Variants in NR1I2 observed in about 807,000 individuals in gnomAD.
NR1I2 encodes orphan nuclear receptor PAR1.
In NR1I2, 42 loss-of-function variants were observed where a neutral mutation model predicts 43.3. That is an observed-to-expected ratio of 0.97 (90% CI 0.76 to 1.26). The LOEUF (loss-of-function observed/expected upper bound fraction) is 1.26. Ranked by LOEUF, NR1I2 falls within the 50% of genes most tolerant of loss-of-function variation. The pLI is 0.00. For synonymous variants in NR1I2, 229 were observed against 215.0 expected, an observed-to-expected ratio of 1.06 and a Z score of -0.57; for missense variants, 559 against 566.7, an observed-to-expected ratio of 0.99 and a Z score of 0.14.
intron 4 of NR1I2, among the ~76,000 whole-genome samples, chr3:119,812,226 C>G (rs2055253870): frequency 6.6e-6 from 1 of 152,132 alleles, no homozygotes; most frequent in Non-Finnish European, 1.5e-5. Context: ...TGTCTGTGCT[C>G]TAAGTGCCCT....
chr3:119,797,203 T>TGTGTGTGTGTGC (rs1553717390), intron 1 of NR1I2, among the ~76,000 whole-genome samples: 8 of 151,700 alleles, frequency 5.3e-5, no homozygotes, highest in African/African-American at 1.9e-4. Flanking sequence ...TGTGTGTGTG[T>TGTGTGTGTGTGC]GTGTGTGTGT....
intron 1 of NR1I2, among the ~76,000 whole-genome samples, chr3:119,784,962 A>G (rs1307943872): frequency 1.3e-5 from 2 of 152,240 alleles, no homozygotes; most frequent in African/African-American, 2.4e-5. Flanking sequence ...AATAGTTATA[A>G]AAGCTTATCA....
At chr3:119,788,553 T>C (rs1330313322) in intron 1 of NR1I2, among the ~76,000 whole-genome samples, 1 of 152,224 alleles carries the variant, frequency 6.6e-6, no homozygotes, top group South Asian at 2.1e-4. Context: ...TCTTCCTGCC[T>C]CAGCCTCCCA....
At chr3:119,815,266 A>G in intron 6 of NR1I2, 57 bp from the exon 7 acceptor site, 1 of 1,573,516 alleles carries the variant, frequency 6.4e-7, no homozygotes, top group Non-Finnish European at 8.7e-7. Context: ...GTGAGGGATG[A>G]TTAGATCTTG....
chr3:119,783,555 AC>A (rs2107941007), intron 1 of NR1I2, among the ~76,000 whole-genome samples: 1 of 152,338 alleles, frequency 6.6e-6, no homozygotes, highest in African/African-American at 2.4e-5. Flanking sequence ...AAAGCTGTCA[AC>A]TTGTTCCAAA....
intron 3 of NR1I2, chr3:119,810,512 T>A: frequency 2.6e-6 from 1 of 381,398 alleles, no homozygotes; most frequent in Non-Finnish European, 4.8e-6. Flanking sequence ...GTTGTAATGG[T>A]TTGAAACCAC....
intron 1 of NR1I2, among the ~76,000 whole-genome samples, chr3:119,786,721 G>A (rs1204350633): frequency 6.6e-6 from 1 of 152,196 alleles, no homozygotes; most frequent in Admixed American, 6.5e-5. Flanking sequence ...CAAGTCCCAG[G>A]AAGCATAAAG....
chr3:119,805,272 A>G (rs2055141014), intron 1 of NR1I2, among the ~76,000 whole-genome samples: 1 of 151,322 alleles, frequency 6.6e-6, no homozygotes, highest in Non-Finnish European at 1.5e-5. Flanking sequence ...TGTTTTGCTG[A>G]CTCTTGCTCA....
In NR1I2 at chr3:119,818,397, T is replaced by G. The variant is rs2055358828; in HGVS notation, c.*1185T>G. 2.0e-6 allele frequency: 2 copies of G among 985,064 alleles called. No individual in the cohort carries two copies. The highest frequency in any genetic ancestry group is 3.5e-5 in the African/African-American group (2 of 57,236). 61.0% of individuals were successfully genotyped at this position (985,064 alleles called of 1,614,324 possible). On this transcript the variant is annotated 3_prime_UTR_variant, in exon 9 of 9. Coordinates refer to ENST00000393716, the MANE Select transcript of NR1I2 (RefSeq NM_003889.4). ...ACAAATTATACTTTATATAAGGCAT[T>G]CCACACCTAAGAACTAGTTTTGGGA...
chr3:119,804,560 TCA>T (rs1482468320), intron 1 of NR1I2, among the ~76,000 whole-genome samples: 1 of 151,030 alleles, frequency 6.6e-6, no homozygotes, highest in Non-Finnish European at 1.5e-5. Context: ...TTCTCCTGGC[TCA>T]GTCTCTCAAG....
intron 2 of NR1I2, among the ~76,000 whole-genome samples, chr3:119,809,860 G>T (rs1166327849): frequency 6.6e-6 from 1 of 152,138 alleles, no homozygotes; most frequent in Non-Finnish European, 1.5e-5. Context: ...CCCCGGCTCT[G>T]CCCCCTCTAG....
chr3:119,791,756 A>G lies in NR1I2; in HGVS notation c.-23+9456A>G, dbSNP rs551973847. On this transcript the variant is annotated intron_variant, in intron 1 of 8. Transcript: ENST00000393716. ...ATGGTGAAACCCCATCTCTACTAAA[A>G]ATACAAAAATTAGATGTGGAGTTCA... The G allele has an allele frequency of 3.4e-4, 141 of 413,640 alleles. 1 individual carries two copies. Among genetic ancestry groups the G allele is most frequent in the African/African-American group, 2.4e-3 (115 of 48,586 alleles). 25.6% of individuals were successfully genotyped at this position (413,640 alleles called of 1,614,324 possible).
intron 1 of NR1I2, among the ~76,000 whole-genome samples, chr3:119,806,688 T>C (rs2055166413): frequency 6.6e-6 from 1 of 152,206 alleles, no homozygotes; most frequent in Admixed American, 6.5e-5. Context: ...TTGCCCACCA[T>C]GCCTCCACTT....
Position 119,817,700 on chromosome 3 carries a change from CTTTGTGG to C in NR1I2, c.*489_*495del. 1 of 1,110,662 alleles carries C rather than the reference CTTTGTGG, an allele frequency of 9.0e-7. No individual in the cohort carries two copies. Among genetic ancestry groups the C allele is most frequent in the Non-Finnish European group, 1.1e-6 (1 of 901,892 alleles). The allele number at this position is 1,110,662 out of a possible 1,614,324, so 68.8% of individuals were successfully genotyped here. ...CTCGTTCCCCTCCTCTTCCGAGCTG[CTTTGTGG>C]GCTCCAGGCCTGTACTCATCGGCAG... On this transcript the variant is annotated 3_prime_UTR_variant, in exon 9 of 9. Coordinates refer to ENST00000393716, the MANE Select transcript of NR1I2 (RefSeq NM_003889.4).
At chr3:119,815,239 T>C in intron 6 of NR1I2, 84 bp from the exon 7 acceptor site, 1 of 1,575,144 alleles carries the variant, frequency 6.3e-7, no homozygotes, top group Non-Finnish European at 8.7e-7. Flanking sequence ...GATGGAATGG[T>C]GGAAAACAAG....
chr3:119,804,350 G>T (rs1044675868), intron 1 of NR1I2, among the ~76,000 whole-genome samples: 1 of 150,366 alleles, frequency 6.7e-6, no homozygotes, highest in Non-Finnish European at 1.5e-5. Flanking sequence ...ACTCCAGCCT[G>T]GGTGACAGAG....
chr3:119,798,837 A>G (rs1252596765), intron 1 of NR1I2, among the ~76,000 whole-genome samples: 1 of 152,156 alleles, frequency 6.6e-6, no homozygotes, highest in East Asian at 1.9e-4. Context: ...AATGTTTTCA[A>G]GGTTCATCTG....
intron 2 of NR1I2, among the ~76,000 whole-genome samples, chr3:119,808,913 T>C (rs2461816): frequency 0.91 from 138,191 of 152,318 alleles, 62,976 homozygotes; most frequent in Middle Eastern, 0.97. Context: ...CAGTGGACTT[T>C]GATGTAGCAT....
chr3:119,813,337 C>A (rs775946777), intron 5 of NR1I2, among the ~76,000 whole-genome samples: 1 of 151,964 alleles, frequency 6.6e-6, no homozygotes, highest in East Asian at 1.9e-4. Context: ...AGTTCCAGAG[C>A]AAGGAATGAG....
Sources: allele counts gnomAD v4.1 joint callset (sites outside exome capture counted in the v4.1 genomes callset), GRCh38; gene constraint gnomAD v4.1.1; transcripts MANE v1.5; gene names NCBI Gene and HGNC (gene_info 2026-07-23, HGNC 2026-07-21).